Variants in KIF1B observed in about 807,000 individuals in gnomAD.
KIF1B encodes kinesin-like protein KIF1B.
Under a neutral mutation model 241.9 loss-of-function variants are expected in KIF1B, and 76 were observed. That is an observed-to-expected ratio of 0.31 (90% CI 0.26 to 0.38). The LOEUF (loss-of-function observed/expected upper bound fraction) is 0.38, where lower values mean the gene tolerates loss of function less well. Ranked by LOEUF, KIF1B falls within the 10% of genes least tolerant of loss-of-function variation. KIF1B has a pLI of 1.00. For missense variants in KIF1B, 1,622 were observed against 2,271.4 expected (o/e 0.71, Z 5.81); for synonymous variants, 750 against 796.7 (o/e 0.94, Z 0.99).
chr1:10,266,316 G>A (rs978419848), intron 5 of KIF1B, among the ~76,000 whole-genome samples: 1 of 152,210 alleles, frequency 6.6e-6, no homozygotes, highest in Non-Finnish European at 1.5e-5. Flanking sequence ...AAGCCTGTTG[G>A]TTGTTTGGTG....
rs1455171485 is a variant in KIF1B, at chr1:10,378,417, G to C, written c.*1830G>C. The C allele has an allele frequency of 1.7e-5, 12 of 717,814 alleles. No homozygotes were observed. Among genetic ancestry groups the C allele is most frequent in the South Asian group, 1.3e-4 (9 of 67,598 alleles). 44.5% of individuals were successfully genotyped at this position (717,814 alleles called of 1,614,324 possible). On this transcript the variant is annotated 3_prime_UTR_variant, in exon 49 of 49. Transcript: ENST00000676179. Reference sequence around the variant, plus strand: ...GCTGCCAGTAAGTTTTCCAGGATGAGAGGGGAAAAAGAAAGCCTCCAGTGA... The same window carrying C: ...GCTGCCAGTAAGTTTTCCAGGATGACAGGGGAAAAAGAAAGCCTCCAGTGA...
chr1:10,365,507 G>A lies in KIF1B; in HGVS notation c.4611G>A (p.Gly1537=). ...SDSLSPSLSS[G]TLSTSTSISS... ...CGTTATCCCCCAGCCTCAGCAGTGG[G>A]ACCCTCAGCACCTCCACCAGTATCT... Residue 1537 remains glycine, a synonymous_variant, in exon 43 of 49, where the codon GGG becomes GGA. Transcript: ENST00000676179. The surrounding 1 kb of genome is among the most constrained non-coding windows in gnomAD (Gnocchi z 4.0). 5.0e-6 allele frequency: 8 copies of A among 1,614,034 alleles called. No homozygotes were observed. The highest frequency in any genetic ancestry group is 6.8e-6 in the Non-Finnish European group (8 of 1,180,002).
rs1651753809 is a variant in KIF1B at position 10,327,118 on chromosome 1, C to T, written c.2924+759C>T. On this transcript the variant is annotated intron_variant, in intron 27 of 48. Transcript: ENST00000676179. ...TAGCACTTTGGCTCACACCTGTAAT[C>T]CCAGCACTTTGGGAGGCTGAGGTGG... Among the ~76,000 whole-genome samples the T allele has an allele frequency of 2.0e-5, 3 of 152,120 alleles. No individual in the cohort carries two copies. In the South Asian group the frequency reaches 6.2e-4, roughly 31 times the overall value.
intron 2 of KIF1B, among the ~76,000 whole-genome samples, chr1:10,244,858 C>T (rs145712415): frequency 0.017 from 2,638 of 151,982 alleles, 89 homozygotes; most frequent in African/African-American, 0.06. Flanking sequence ...GTGATCCGCC[C>T]GCCTCGGCCT....
In KIF1B at chr1:10,263,278, A is replaced by T. The variant is rs531893999; in HGVS notation, c.429+1308A>T. Among the ~76,000 whole-genome samples the T allele has an allele frequency of 9.3e-4, 140 of 150,266 alleles. 3 individuals carry two copies. The highest frequency in any genetic ancestry group is 7.9e-3 in the South Asian group (38 of 4,792). ...CAGCCTGGAGTCTGTCTCAAAAAAA[A>T]AATAATAATAATAAATAAATAAAAA... On this transcript the variant is annotated intron_variant, in intron 5 of 48. Coordinates refer to ENST00000676179, the MANE Select transcript of KIF1B (RefSeq NM_001365951.3).
At chr1:10,304,305 T>C (rs1159294757) in intron 22 of KIF1B, 1 of 1,614,086 alleles carries the variant, frequency 6.2e-7, no homozygotes, top group Middle Eastern at 1.6e-4. Flanking sequence ...ACATTAATAA[T>C]CAGCAACAGC....
intron 2 of KIF1B, among the ~76,000 whole-genome samples, chr1:10,236,294 CAACAACAACAAA>C (rs1258247893): frequency 6.6e-6 from 1 of 151,832 alleles, no homozygotes. Flanking sequence ...ACAACAACAA[CAACAACAACAAA>C]AACCCATATA....
chr1:10,273,422 C>T (rs988694920), intron 10 of KIF1B, among the ~76,000 whole-genome samples: 12 of 151,972 alleles, frequency 7.9e-5, no homozygotes, highest in Admixed American at 1.3e-4. Flanking sequence ...GGTGTGGTAG[C>T]GCGTGCCCAT....
intron 1 of KIF1B, among the ~76,000 whole-genome samples, chr1:10,224,887 A>C (rs1646891017): frequency 6.6e-6 from 1 of 152,162 alleles, no homozygotes; most frequent in South Asian, 2.1e-4. Flanking sequence ...TTTGTGGAAG[A>C]CGGTTTTTCC....
intron 22 of KIF1B, chr1:10,305,010 C>A: frequency 8.9e-7 from 1 of 1,119,498 alleles, no homozygotes; most frequent in African/African-American, 1.6e-5. Flanking sequence ...AGACCTGCCT[C>A]TTAGTTTATG....
chr1:10,292,192 T>G (rs1650034807), intron 17 of KIF1B, 70 bp downstream of exon 17: 1 of 1,163,514 alleles, frequency 8.6e-7, no homozygotes, highest in Admixed American at 1.7e-5. Context: ...CTGGGGCACT[T>G]CATGTCTTTC....
intron 17 of KIF1B, 52 bp downstream of exon 17, chr1:10,292,174 C>CT (rs768787043): frequency 2.5e-4 from 351 of 1,413,212 alleles, no homozygotes; most frequent in Middle Eastern, 1.4e-3. Flanking sequence ...TTTTGTTTGT[C>CT]TTTGTTACTG....
rs1259602034 is a variant in KIF1B, at chr1:10,378,418, AG to A, written c.*1835del. On this transcript the variant is annotated 3_prime_UTR_variant, in exon 49 of 49. Transcript: ENST00000676179. ...CTGCCAGTAAGTTTTCCAGGATGAG[AG>A]GGGAAAAAGAAAGCCTCCAGTGACT... 1 of 717,644 alleles carries A rather than the reference AG, an allele frequency of 1.4e-6. No individual in the cohort carries two copies. The highest frequency in any genetic ancestry group is 2.6e-6 in the Non-Finnish European group (1 of 385,172). 44.5% of individuals were successfully genotyped at this position (717,644 alleles called of 1,614,324 possible). A position where few individuals can be genotyped will look rare whatever the true frequency, so the allele number is the denominator to read the frequency against.
rs17034819 is a variant in KIF1B, at chr1:10,353,902, T to C, written c.4055+1166T>C. On this transcript the variant is annotated intron_variant, in intron 38 of 48. Coordinates refer to ENST00000676179, the MANE Select transcript of KIF1B (RefSeq NM_001365951.3). Reference sequence around the variant, plus strand: ...ATTTCCCTGAAGTCAGCAGTAATTCTGCATAGCTTTCTGTTTTCTGCCAAT... The same window carrying C: ...ATTTCCCTGAAGTCAGCAGTAATTCCGCATAGCTTTCTGTTTTCTGCCAAT... Among the ~76,000 whole-genome samples the C allele has an allele frequency of 6.5e-3, 990 of 152,326 alleles. 10 individuals are homozygous for C. The highest frequency in any genetic ancestry group is 0.037 in the Middle Eastern group (11 of 294).
intron 2 of KIF1B, among the ~76,000 whole-genome samples, chr1:10,252,066 G>A (rs12409137): frequency 0.35 from 52,606 of 151,738 alleles, 9,259 homozygotes; most frequent in Middle Eastern, 0.39. Context: ...TTGAGATGGA[G>A]TCTTGCTCTG....
At position 10,319,164 on chromosome 1, in the gene KIF1B, C is replaced by T. The variant is rs549549637; in HGVS notation, c.2116-879C>T. On this transcript the variant is annotated intron_variant, in intron 22 of 48. Coordinates refer to ENST00000676179, the MANE Select transcript of KIF1B (RefSeq NM_001365951.3). Reference sequence around the variant, plus strand: ...GTCTCCAGGCTGGAGTGCAGTGGCGCGATCTCTGTTCACTTCAACCTCTGC... The same window carrying T: ...GTCTCCAGGCTGGAGTGCAGTGGCGTGATCTCTGTTCACTTCAACCTCTGC... 2.8e-4 allele frequency among the ~76,000 whole-genome samples: 42 copies of T among 149,066 alleles called. No individual in the cohort carries two copies. The East Asian group carries it at 6.5e-3, about 23-fold the overall frequency.
intron 1 of KIF1B, among the ~76,000 whole-genome samples, chr1:10,212,760 C>T (rs1177963379): frequency 6.6e-6 from 1 of 151,458 alleles, no homozygotes; most frequent in Non-Finnish European, 1.5e-5. Context: ...CATGGTGGCT[C>T]ATGCCTGTAT....
intron 1 of KIF1B, among the ~76,000 whole-genome samples, chr1:10,221,094 C>CTTTTTTT (rs34039054): frequency 8.5e-5 from 8 of 94,242 alleles, no homozygotes; most frequent in East Asian, 3.0e-4. Context: ...CAGAAAGAAG[C>CTTTTTTT]TTTTTTTTTT....
chr1:10,294,019 G>A lies in KIF1B; in HGVS notation c.1591-1067G>A, dbSNP rs1039965593. The stretch of plus-strand genomic sequence containing the variant: ...ACCAGTCAAGTTCTTCAACTACAAA[G>A]GGGGATGCTAGTTGAGAAGATGTGG... On this transcript the variant is annotated intron_variant, in intron 17 of 48. Coordinates refer to ENST00000676179, the MANE Select transcript of KIF1B (RefSeq NM_001365951.3). Among the ~76,000 whole-genome samples, 6 of 152,302 alleles carry A rather than the reference G, an allele frequency of 3.9e-5. No individual in the cohort carries two copies. In the East Asian group the frequency reaches 1.2e-3, roughly 29 times the overall value.
Sources: gnomAD v4.1 joint callset for allele counts (sites outside exome capture counted in the v4.1 genomes callset) on GRCh38, gnomAD v4.1.1 for gene constraint, Gnocchi (gnomAD v3.1) non-coding constraint, MANE v1.5 for transcripts, NCBI Gene and HGNC (gene_info 2026-07-23, HGNC 2026-07-21) for gene names.